PIP5K1B: variants seen among roughly 807,000 people sequenced by gnomAD.
PIP5K1B encodes the protein phosphatidylinositol 4-phosphate 5-kinase type-1 beta.
PIP5K1B carries 42 observed loss-of-function variants against 67.0 expected under a neutral mutation model. That is an observed-to-expected ratio of 0.63 (90% CI 0.49 to 0.81). The LOEUF is 0.81. PIP5K1B is among the 30% of genes least tolerant of loss of function. The pLI is 0.00. For synonymous variants in PIP5K1B, 214 were observed against 231.4 expected (o/e 0.92, Z 0.68); for missense variants, 459 against 646.3 (o/e 0.71, Z 3.14).
At chr9:68,881,771 C>G (rs957848725) in intron 6 of PIP5K1B, among the ~76,000 whole-genome samples, 6 of 152,220 alleles carry the variant, frequency 3.9e-5, no homozygotes, top group African/African-American at 1.4e-4. Context: ...TAGACAAACA[C>G]CTCCCAAGGC....
intron 8 of PIP5K1B, among the ~76,000 whole-genome samples, chr9:68,904,365 C>T (rs1335711797): frequency 1.3e-5 from 2 of 152,220 alleles, no homozygotes; most frequent in African/African-American, 2.4e-5. Flanking sequence ...CAGGAAAGGG[C>T]TCAATCCTAG....
intron 2 of PIP5K1B, among the ~76,000 whole-genome samples, chr9:68,757,280 T>A (rs1829970997): frequency 6.6e-6 from 1 of 152,176 alleles, no homozygotes; most frequent in Non-Finnish European, 1.5e-5. Context: ...GAATTTTAAT[T>A]TTCTATTTTA....
intron 12 of PIP5K1B, among the ~76,000 whole-genome samples, chr9:68,927,852 A>G (rs535804352): frequency 6.6e-6 from 1 of 152,184 alleles, no homozygotes; most frequent in East Asian, 1.9e-4. Flanking sequence ...ATTTACTTTC[A>G]TGTTTTCTTT....
chr9:68,914,177 T>C (rs1825980973), intron 8 of PIP5K1B, among the ~76,000 whole-genome samples: 1 of 152,154 alleles, frequency 6.6e-6, no homozygotes, highest in African/African-American at 2.4e-5. Context: ...AAAAAAAGCA[T>C]TTTTTTAAAA....
chr9:68,967,102 G>A (rs570175509), intron 14 of PIP5K1B, among the ~76,000 whole-genome samples: 82 of 152,240 alleles, frequency 5.4e-4, no homozygotes, highest in Middle Eastern at 3.4e-3. Flanking sequence ...TTTGGGGTTG[G>A]GTAAAAGTTG....
In PIP5K1B at chr9:68,941,349, G is replaced by A. The variant is rs11788467; in HGVS notation, c.1502+559G>A. Among the ~76,000 whole-genome samples the A allele has an allele frequency of 3.0e-3, 460 of 152,212 alleles. 1 individual carries two copies. The highest frequency in any genetic ancestry group is 5.4e-3 in the Non-Finnish European group (370 of 68,004). The stretch of plus-strand genomic sequence containing the variant: ...CCAGATAGGCCCAATATAATCACAG[G>A]GTTCTTGTAAGGGGAAGACAGAAGA... On this transcript the variant is annotated intron_variant, in intron 14 of 15. Transcript: ENST00000265382.
At chr9:68,753,940 G>C (rs1829776071) in intron 2 of PIP5K1B, among the ~76,000 whole-genome samples, 1 of 152,056 alleles carries the variant, frequency 6.6e-6, no homozygotes, top group African/African-American at 2.4e-5. Context: ...GATTACAGGC[G>C]TGAGCTACCA....
chr9:68,863,662 T>C (rs754559151), intron 4 of PIP5K1B, among the ~76,000 whole-genome samples, 175 bp from the exon 5 acceptor site: 1 of 152,220 alleles, frequency 6.6e-6, no homozygotes, highest in Non-Finnish European at 1.5e-5. Context: ...AGAGCTTTAA[T>C]GTTTGGAATA....
At chr9:68,995,732 G>A (rs1830574580) in intron 15 of PIP5K1B, among the ~76,000 whole-genome samples, 1 of 150,850 alleles carries the variant, frequency 6.6e-6, no homozygotes, top group African/African-American at 2.4e-5. Flanking sequence ...TTGAACCCAG[G>A]AGGCAGAGGT....
chr9:68,839,820 C>A (rs1439591756), intron 4 of PIP5K1B, among the ~76,000 whole-genome samples: 1 of 152,156 alleles, frequency 6.6e-6, no homozygotes, highest in Non-Finnish European at 1.5e-5. Context: ...TTAGGTCCAG[C>A]CATGGTCGTC....
chr9:68,978,818 T>A (rs1829752875), intron 14 of PIP5K1B, among the ~76,000 whole-genome samples: 1 of 152,124 alleles, frequency 6.6e-6, no homozygotes. Context: ...TAAAGAACAT[T>A]CCCCCATCCC....
intron 2 of PIP5K1B, among the ~76,000 whole-genome samples, chr9:68,763,101 C>T (rs927055705): frequency 1.6e-4 from 24 of 151,948 alleles, no homozygotes; most frequent in African/African-American, 5.6e-4. Context: ...TAGGATGGAC[C>T]GGGATATCTG....
At chr9:68,740,930 A>G (rs1412242651) in intron 1 of PIP5K1B, among the ~76,000 whole-genome samples, 2 of 152,170 alleles carry the variant, frequency 1.3e-5, no homozygotes, top group Admixed American at 1.3e-4. Context: ...TTTACCTACA[A>G]ACCTGAGAGG....
intron 2 of PIP5K1B, among the ~76,000 whole-genome samples, chr9:68,768,124 A>C (rs994706219): frequency 6.6e-6 from 1 of 152,236 alleles, no homozygotes; most frequent in African/African-American, 2.4e-5. Flanking sequence ...TTGGGGAGGA[A>C]GTTGCAAAGT....
At chr9:68,712,134 T>C (rs1356208858) in intron 1 of PIP5K1B, among the ~76,000 whole-genome samples, 5 of 152,190 alleles carry the variant, frequency 3.3e-5, no homozygotes, top group Non-Finnish European at 4.4e-5. Flanking sequence ...ACACTCCCCA[T>C]GGTAATGAGT....
intron 1 of PIP5K1B, among the ~76,000 whole-genome samples, chr9:68,711,648 A>G (rs938682583): frequency 6.6e-6 from 1 of 152,220 alleles, no homozygotes; most frequent in Admixed American, 6.5e-5. Flanking sequence ...GATAGATGCT[A>G]ATGTTGATAG....
chr9:68,791,830 G>A lies in PIP5K1B; in HGVS notation c.-85-26631G>A, dbSNP rs149656803. On this transcript the variant is annotated intron_variant, in intron 2 of 15. Coordinates refer to ENST00000265382, the MANE Select transcript of PIP5K1B (RefSeq NM_003558.4). ...GTTCAAGTTTAAATCAAACTATGCA[G>A]TATGAGTAAAAGACCTCTCCACTTC... is the stretch of plus-strand genomic sequence containing the variant. Among the ~76,000 whole-genome samples the A allele has an allele frequency of 3.6e-3, 546 of 152,304 alleles. 2 individuals carry two copies. The highest frequency in any genetic ancestry group is 0.012 in the African/African-American group (500 of 41,558).
At chr9:68,766,308 A>G (rs1402590062) in intron 2 of PIP5K1B, among the ~76,000 whole-genome samples, 1 of 152,182 alleles carries the variant, frequency 6.6e-6, no homozygotes, top group Admixed American at 6.5e-5. Context: ...AGCAAAAACT[A>G]TTGTTATAAA....
At chr9:68,822,248 G>A (rs1019089196) in intron 3 of PIP5K1B, among the ~76,000 whole-genome samples, 1 of 151,962 alleles carries the variant, frequency 6.6e-6, no homozygotes, top group Admixed American at 6.6e-5. Context: ...TTGAACTGAA[G>A]AGTTTGAGGC....
Sources: allele counts gnomAD v4.1 joint callset (sites outside exome capture counted in the v4.1 genomes callset), GRCh38; gene constraint gnomAD v4.1.1; transcripts MANE v1.5; gene names NCBI Gene and HGNC (gene_info 2026-07-23, HGNC 2026-07-21).